ARID4B: variants seen among roughly 807,000 people sequenced by gnomAD.
ARID4B encodes the protein AT-rich interaction domain 4B.
Under a neutral mutation model 147.5 loss-of-function variants are expected in ARID4B, and 26 were observed. The ratio of observed to expected loss-of-function variants is 0.18; its 90% confidence interval spans 0.13 to 0.24. The LOEUF (loss-of-function observed/expected upper bound fraction) is 0.24, where lower values mean the gene tolerates loss of function less well. Among genes scored for constraint, ARID4B ranks in the 10% least tolerant of loss-of-function variants. The pLI, the probability that ARID4B is intolerant of heterozygous loss-of-function variation, is 1.00. For missense variants in ARID4B, 1,179 were observed against 1,511.5 expected, an observed-to-expected ratio of 0.78 and a Z score of 3.65; for synonymous variants, 512 against 507.9, an observed-to-expected ratio of 1.01 and a Z score of -0.11.
intron 16 of ARID4B, among the ~76,000 whole-genome samples, chr1:235,218,851 A>G (rs931073639): frequency 5.3e-5 from 8 of 150,234 alleles, no homozygotes; most frequent in African/African-American, 2.0e-4. Flanking sequence ...GCCAAATGTC[A>G]GTACGCTAAA....
chr1:235,226,684 G>A (rs965375929), intron 11 of ARID4B, among the ~76,000 whole-genome samples: 2 of 152,170 alleles, frequency 1.3e-5, no homozygotes, highest in Admixed American at 6.5e-5. Flanking sequence ...ACCATGCCCG[G>A]CTAATTTTTT....
At chr1:235,253,829 C>T (rs1669788514) in intron 5 of ARID4B, among the ~76,000 whole-genome samples, 1 of 152,134 alleles carries the variant, frequency 6.6e-6, no homozygotes, top group Non-Finnish European at 1.5e-5. Flanking sequence ...TTAGAAATTA[C>T]ATTTTCTGCC....
intron 10 of ARID4B, among the ~76,000 whole-genome samples, chr1:235,229,809 A>G (rs1056700247): frequency 2.6e-5 from 4 of 152,236 alleles, no homozygotes; most frequent in African/African-American, 9.6e-5. Flanking sequence ...CTGACCACAC[A>G]TGATTTTTAC....
intron 17 of ARID4B, among the ~76,000 whole-genome samples, chr1:235,196,564 G>A (rs10489690): frequency 0.13 from 20,228 of 152,036 alleles, 1,573 homozygotes; most frequent in African/African-American, 0.2. Context: ...GAAAAGCACC[G>A]TATTACAGCC....
At chr1:235,215,547 A>ATATGTGTGTG (rs1553293242) in intron 16 of ARID4B, among the ~76,000 whole-genome samples, 3 of 136,450 alleles carry the variant, frequency 2.2e-5, no homozygotes, top group South Asian at 2.5e-4. Context: ...ACACATATAT[A>ATATGTGTGTG]TGTGTGTGTG....
chr1:235,214,107 A>C, intron 16 of ARID4B, 81 bp from the exon 17 acceptor site: 3 of 1,486,782 alleles, frequency 2.0e-6, no homozygotes, highest in Non-Finnish European at 2.7e-6. Flanking sequence ...TATTGATAAA[A>C]GTTGTGGCTG....
chr1:235,272,329 T>A (rs1292424381), intron 2 of ARID4B, among the ~76,000 whole-genome samples: 1 of 152,184 alleles, frequency 6.6e-6, no homozygotes, highest in Non-Finnish European at 1.5e-5. Flanking sequence ...ACTGAGCTAC[T>A]TAAGATAGAA....
intron 12 of ARID4B, 122 bp from the exon 13 acceptor site, chr1:235,223,382 T>TAC (rs199542557): frequency 1.9e-5 from 4 of 214,214 alleles, no homozygotes; most frequent in East Asian, 9.8e-5. Flanking sequence ...TATATATATA[T>TAC]ACACGTATAT....
At chr1:235,298,010 G>A (rs1672861512) in intron 2 of ARID4B, among the ~76,000 whole-genome samples, 1 of 152,128 alleles carries the variant, frequency 6.6e-6, no homozygotes, top group African/African-American at 2.4e-5. Context: ...TGCCATTAAG[G>A]AATTAATGTT....
At chr1:235,323,336 C>T (rs1031807697) in intron 2 of ARID4B, among the ~76,000 whole-genome samples, 7 of 151,984 alleles carry the variant, frequency 4.6e-5, no homozygotes, top group African/African-American at 1.5e-4. Flanking sequence ...CCACCATGCC[C>T]GCCAAAGTAT....
At chr1:235,311,365 T>C (rs1465450889) in intron 2 of ARID4B, among the ~76,000 whole-genome samples, 1 of 90,328 alleles carries the variant, frequency 1.1e-5, no homozygotes, top group Admixed American at 9.9e-5. Context: ...ACAATAATAA[T>C]AATAATAATA....
At chr1:235,202,575 A>G (rs1397400023) in intron 17 of ARID4B, among the ~76,000 whole-genome samples, 2 of 149,900 alleles carry the variant, frequency 1.3e-5, no homozygotes, top group Non-Finnish European at 3.0e-5. Context: ...TTTGAGACGG[A>G]GTCTTGCTCT....
At chr1:235,263,367 CTA>C (rs138315309) in intron 2 of ARID4B, among the ~76,000 whole-genome samples, 86 of 152,212 alleles carry the variant, frequency 5.7e-4, no homozygotes, top group African/African-American at 2.0e-3. Context: ...CATCTTTAGA[CTA>C]TTAGTATTCA....
At chr1:235,279,215 G>A (rs1478109083) in intron 2 of ARID4B, among the ~76,000 whole-genome samples, 2 of 151,682 alleles carry the variant, frequency 1.3e-5, no homozygotes, top group East Asian at 3.9e-4. Flanking sequence ...CCCCACCCCC[G>A]GCAAGACTGA....
At chr1:235,185,599 A>G (rs988600151) in intron 19 of ARID4B, among the ~76,000 whole-genome samples, 1 of 152,132 alleles carries the variant, frequency 6.6e-6, no homozygotes, top group African/African-American at 2.4e-5. Flanking sequence ...TCTCATCTGT[A>G]CTAGAGCTCA....
Position 235,252,905 on chromosome 1 carries a change from C to T in ARID4B, c.275-96G>A, listed in dbSNP as rs1669732135. 4.9e-6 allele frequency: 4 copies of T among 810,144 alleles called. No individual in the cohort carries two copies. The South Asian group carries it at 5.8e-5, about 12-fold the overall frequency. The allele number at this position is 810,144 out of a possible 1,614,324, so 50.2% of individuals were successfully genotyped here. A position where few individuals can be genotyped will look rare whatever the true frequency, so the allele number is the denominator to read the frequency against. On this transcript the variant is annotated intron_variant, in intron 5 of 23. Coordinates refer to ENST00000264183, the MANE Select transcript of ARID4B (RefSeq NM_016374.6). ...AATTTTCTGAGTGCAAACAGATCTA[C>T]TATTTAAGACTACATTTGGAATTCA...
rs1048185754 is a variant in ARID4B at position 235,258,051 on chromosome 1, G to T, written c.118-826C>A. Among the ~76,000 whole-genome samples, 11 of 152,196 alleles carry T rather than the reference G, an allele frequency of 7.2e-5. 1 individual carries two copies. Among genetic ancestry groups the T allele is most frequent in the Admixed American group, 1.3e-4 (2 of 15,280 alleles). On this transcript the variant is annotated intron_variant, in intron 3 of 23. Transcript: ENST00000264183. ...TGTTGATAAGAAAACTGAGAAACAGGCCAGGTGCGGTGGCTCATCCCTGTA... is the reference window on the plus strand; with the variant it reads ...TGTTGATAAGAAAACTGAGAAACAGTCCAGGTGCGGTGGCTCATCCCTGTA...
chr1:235,168,973 G>GA (rs1349072358), intron 23 of ARID4B, among the ~76,000 whole-genome samples: 2 of 152,152 alleles, frequency 1.3e-5, no homozygotes, highest in East Asian at 3.9e-4. Context: ...TTGTAACAGT[G>GA]AAACAAGTAT....
intron 20 of ARID4B, chr1:235,181,248 A>T (rs1664288900): frequency 1.6e-6 from 1 of 632,574 alleles, no homozygotes; most frequent in Non-Finnish European, 2.1e-6. Context: ...AATGTTACAG[A>T]AATAGATTTA....
Sources: gnomAD v4.1 joint callset for allele counts (sites outside exome capture counted in the v4.1 genomes callset) on GRCh38, gnomAD v4.1.1 for gene constraint, MANE v1.5 for transcripts, NCBI Gene and HGNC (gene_info 2026-07-23, HGNC 2026-07-21) for gene names.